RFX3: variants seen among roughly 807,000 people sequenced by gnomAD.
RFX3 encodes regulatory factor X3, also known as transcription factor RFX3.
In RFX3, 14 loss-of-function variants were observed where a neutral mutation model predicts 98.6. The ratio of observed to expected loss-of-function variants is 0.14; its 90% CI spans 0.09 to 0.22. The LOEUF (loss-of-function observed/expected upper bound fraction) is 0.22, where lower values mean the gene tolerates loss of function less well. Ranked by LOEUF, RFX3 falls within the 10% of genes least tolerant of loss-of-function variation. The pLI is 1.00. For synonymous variants in RFX3, 383 were observed against 328.4 expected, an observed-to-expected ratio of 1.17 and a Z score of -1.80; for missense variants, 639 against 926.9, an observed-to-expected ratio of 0.69 and a Z score of 4.03.
intron 2 of RFX3, among the ~76,000 whole-genome samples, chr9:3,359,778 G>C (rs1216790063): frequency 6.6e-6 from 1 of 151,988 alleles, no homozygotes; most frequent in Non-Finnish European, 1.5e-5. Context: ...AAAGTGAACT[G>C]ATATGATCAC....
intron 5 of RFX3, among the ~76,000 whole-genome samples, chr9:3,295,295 A>G (rs1827858136): frequency 6.6e-6 from 1 of 152,058 alleles, no homozygotes; most frequent in Non-Finnish European, 1.5e-5. Flanking sequence ...CCTGATTCAT[A>G]TATTTTATCC....
At chr9:3,417,434 A>C (rs1323573102) in intron 1 of RFX3, among the ~76,000 whole-genome samples, 1 of 152,126 alleles carries the variant, frequency 6.6e-6, no homozygotes, top group African/African-American at 2.4e-5. Flanking sequence ...ATCACAAACA[A>C]ATCTCAATGA....
Position 3,301,603 on chromosome 9 carries a change from C to T in RFX3, c.492G>A (p.Glu164=), listed in dbSNP as rs768340211. 6.2e-7 allele frequency: 1 copy of T among 1,601,508 alleles called. No homozygotes were observed. Among genetic ancestry groups the T allele is most frequent in the Admixed American group, 1.7e-5 (1 of 59,722 alleles). The part of the protein sequence containing the change: ...ASPATIEMAI[E]TLQKSDGLST... The stretch of plus-strand genomic sequence containing the variant: ...ACAGACCGTCAGACTTTTGCAGCGT[C>T]TCAATCGCCATTTCAATCTGATAAT... Residue 164 remains glutamate, a synonymous_variant, in exon 5 of 17, where the codon GAG becomes GAA. Coordinates refer to ENST00000617270, the MANE Select transcript of RFX3 (RefSeq NM_001282116.2).
Position 3,465,815 on chromosome 9 carries a change from A to G in RFX3, c.-9+59932T>C, listed in dbSNP as rs368831430. Among the ~76,000 whole-genome samples, 4 of 152,262 alleles carry G rather than the reference A, an allele frequency of 2.6e-5. No individual in the cohort carries two copies. In the East Asian group the frequency reaches 7.7e-4, roughly 29 times the overall value. ...AAGATAGTAAGTATTGCTATGGTGAAAAAAAGAAAAAGCAAAAGTGGACTC... is the reference window on the plus strand; with the variant it reads ...AAGATAGTAAGTATTGCTATGGTGAGAAAAAGAAAAAGCAAAAGTGGACTC... On this transcript the variant is annotated intron_variant, in intron 1 of 16. Transcript: ENST00000617270.
chr9:3,392,180 T>A (rs1362944088), intron 2 of RFX3, among the ~76,000 whole-genome samples: 1 of 152,180 alleles, frequency 6.6e-6, no homozygotes, highest in Non-Finnish European at 1.5e-5. Flanking sequence ...CAGCGTCTTA[T>A]ATCCACATTT....
At chr9:3,399,911 T>C (rs1841308451) in intron 1 of RFX3, among the ~76,000 whole-genome samples, 1 of 149,476 alleles carries the variant, frequency 6.7e-6, no homozygotes, top group African/African-American at 2.5e-5. Flanking sequence ...ATCATTCCAC[T>C]GCACTCCAGC....
At chr9:3,363,928 T>C (rs1243101967) in intron 2 of RFX3, among the ~76,000 whole-genome samples, 1 of 152,200 alleles carries the variant, frequency 6.6e-6, no homozygotes, top group African/African-American at 2.4e-5. Context: ...CAGGCTGGAG[T>C]GTAGTGGCAC....
At chr9:3,445,658 G>A (rs1482261354) in intron 1 of RFX3, among the ~76,000 whole-genome samples, 2 of 151,966 alleles carry the variant, frequency 1.3e-5, no homozygotes, top group Non-Finnish European at 2.9e-5. Context: ...CTCATGTTAT[G>A]CATCCAGTTT....
At chr9:3,397,246 T>C (rs555942661) in intron 1 of RFX3, among the ~76,000 whole-genome samples, 105 of 152,316 alleles carry the variant, frequency 6.9e-4, no homozygotes, top group Admixed American at 1.5e-3. Flanking sequence ...AAAAGAAATA[T>C]GAATTTCCTT....
intron 13 of RFX3, among the ~76,000 whole-genome samples, chr9:3,257,613 T>C (rs1374676020): frequency 6.6e-6 from 1 of 152,196 alleles, no homozygotes; most frequent in African/African-American, 2.4e-5. Context: ...TTAAAACCAA[T>C]TTATTTGAGA....
At chr9:3,275,341 C>T (rs1825066621) in intron 9 of RFX3, 159 bp downstream of exon 9, 1 of 465,952 alleles carries the variant, frequency 2.1e-6, no homozygotes, top group Non-Finnish European at 3.8e-6. Context: ...CACTCTGAGA[C>T]CAGAAAGAAG....
Position 3,271,024 on chromosome 9 carries a change from C to A in RFX3, c.1181G>T (p.Gly394Val). 6.2e-7 allele frequency: 1 copy of A among 1,613,526 alleles called. No homozygotes were observed. The highest frequency in any genetic ancestry group is 8.5e-7 in the Non-Finnish European group (1 of 1,179,604). ...WRYSPSTPTD[G>V]TTITESSNLS... ...TGACCTCGATTCGGTAATGGTAGTG[C>A]CATCAGTTGGAGTAGAGGGAGAATA... The change falls in exon 10 of 17, where the codon GGC becomes GTC. Residue 394 changes from glycine to valine, a missense_variant. By Grantham distance (109) the Gly-to-Val change is moderately radical. Transcript: ENST00000617270.
At chr9:3,281,410 G>A (rs1056363798) in intron 7 of RFX3, among the ~76,000 whole-genome samples, 4 of 148,598 alleles carry the variant, frequency 2.7e-5, no homozygotes, top group Non-Finnish European at 6.0e-5. Context: ...TAAAAATACT[G>A]AACTTTTTAA....
intron 1 of RFX3, among the ~76,000 whole-genome samples, chr9:3,446,455 G>A (rs1342330148): frequency 6.6e-6 from 1 of 151,990 alleles, no homozygotes; most frequent in Non-Finnish European, 1.5e-5. Context: ...GGAGATCTGT[G>A]AACTACTCTG....
At chr9:3,444,464 G>C (rs1480538268) in intron 1 of RFX3, among the ~76,000 whole-genome samples, 1 of 151,958 alleles carries the variant, frequency 6.6e-6, no homozygotes, top group Non-Finnish European at 1.5e-5. Flanking sequence ...TAGGGACACA[G>C]GGAAACTTCT....
At position 3,346,658 on chromosome 9, in the gene RFX3, T is replaced by A. The variant is rs201478652; in HGVS notation, c.215+9A>T. 2 of 1,571,558 alleles carry A rather than the reference T, an allele frequency of 1.3e-6. No individual in the cohort carries two copies. Among genetic ancestry groups the A allele is most frequent in the East Asian group, 4.5e-5 (2 of 44,650 alleles). On this transcript the variant is annotated intron_variant, in intron 3 of 16. Transcript: ENST00000617270. ...GGGGAATTAAAAAGACTTCCACATATAAACTTACATTGCTCCATTGGTATA... is the reference window on the plus strand; with the variant it reads ...GGGGAATTAAAAAGACTTCCACATAAAAACTTACATTGCTCCATTGGTATA...
chr9:3,462,806 T>C (rs1183542570), intron 1 of RFX3, among the ~76,000 whole-genome samples: 3 of 152,094 alleles, frequency 2.0e-5, no homozygotes, highest in African/African-American at 7.2e-5. Context: ...TACAATAGCA[T>C]GTGATGTCAC....
chr9:3,288,034 C>T lies in RFX3; in HGVS notation c.851+97G>A, dbSNP rs138500861. On this transcript the variant is annotated intron_variant, in intron 7 of 16. Transcript: ENST00000617270. ...AGTGAAAGCATGCCAACAATAAGAACGTTCTTTTATACTTAGGTATTTGTT... is the reference window on the plus strand; with the variant it reads ...AGTGAAAGCATGCCAACAATAAGAATGTTCTTTTATACTTAGGTATTTGTT... 43 of 1,120,712 alleles carry T rather than the reference C, an allele frequency of 3.8e-5. 1 individual carries two copies. In the Admixed American group the frequency reaches 4.4e-4, roughly 12 times the overall value. The allele number at this position is 1,120,712 out of a possible 1,614,324, so 69.4% of individuals were successfully genotyped here.
At chr9:3,294,256 TC>T (rs1827733193) in intron 5 of RFX3, among the ~76,000 whole-genome samples, 1 of 152,130 alleles carries the variant, frequency 6.6e-6, no homozygotes, top group African/African-American at 2.4e-5. Context: ...TCCTGATTAC[TC>T]CAGACCAATG....
Sources: allele counts gnomAD v4.1 joint callset (sites outside exome capture counted in the v4.1 genomes callset), GRCh38; gene constraint gnomAD v4.1.1; transcripts MANE v1.5; gene names NCBI Gene and HGNC (gene_info 2026-07-23, HGNC 2026-07-21).